The following MCCC1 variants were observed in gnomAD, a reference collection of about 807,000 sequenced individuals.
MCCC1 encodes the protein methylcrotonyl-CoA carboxylase subunit 1.
A neutral mutation model predicts 83.8 loss-of-function variants in MCCC1; 64 were observed. The ratio of observed to expected loss-of-function variants is 0.76; its 90% CI spans 0.62 to 0.94. The LOEUF (loss-of-function observed/expected upper bound fraction) is 0.94, where lower values mean the gene tolerates loss of function less well. Among genes scored for constraint, MCCC1 ranks in the 40% least tolerant of loss-of-function variants. The probability of loss-of-function intolerance (pLI) is 0.00; values close to 1 mark genes in which losing one functional copy is unlikely to be tolerated. For synonymous variants in MCCC1, 322 were observed against 315.4 expected, an observed-to-expected ratio of 1.02 and a Z score of -0.22; for missense variants, 807 against 904.7, an observed-to-expected ratio of 0.89 and a Z score of 1.39.
intron 8 of MCCC1, among the ~76,000 whole-genome samples, chr3:183,054,482 C>T (rs539028602): frequency 2.6e-5 from 4 of 152,032 alleles, no homozygotes; most frequent in South Asian, 2.1e-4. Flanking sequence ...CCACCGCGCC[C>T]GGCCTAGAAA....
At chr3:183,056,803 C>T (rs1165407153) in intron 8 of MCCC1, among the ~76,000 whole-genome samples, 1 of 152,190 alleles carries the variant, frequency 6.6e-6, no homozygotes, top group East Asian at 1.9e-4. Flanking sequence ...AAGCAATTCT[C>T]CTGCCTCAGC....
Position 183,071,253 on chromosome 3 carries a change from C to A in MCCC1, c.596G>T (p.Gly199Val), listed in dbSNP as rs1198116993. The A allele has an allele frequency of 1.9e-6, 3 of 1,614,114 alleles. No individual in the cohort carries two copies. Among genetic ancestry groups the A allele is most frequent in the Admixed American group, 1.7e-5 (1 of 60,004 alleles). The change falls in exon 6 of 19, where the codon GGC becomes GTC. Residue 199 changes from glycine to valine, a missense_variant. Transcript: ENST00000265594. ...QCLKEHARRI[G>V]YPVMIKAVRG... ...GACGGCTTTAATCATGACAGGATAG[C>A]CAATTCTCCTGGCGTGTTCCTTCAG...
intron 1 of MCCC1, among the ~76,000 whole-genome samples, chr3:183,109,343 C>A (rs749189771): frequency 6.6e-6 from 1 of 152,080 alleles, no homozygotes; most frequent in Admixed American, 6.6e-5. Flanking sequence ...GTTTAGCGTA[C>A]AAATGATCCC....
chr3:183,027,124 C>T (rs1712671625), intron 14 of MCCC1, among the ~76,000 whole-genome samples: 1 of 152,130 alleles, frequency 6.6e-6, no homozygotes, highest in Non-Finnish European at 1.5e-5. Context: ...TCTGATATTA[C>T]TACTATAATT....
At chr3:183,056,843 C>A (rs770863766) in intron 8 of MCCC1, among the ~76,000 whole-genome samples, 1 of 152,130 alleles carries the variant, frequency 6.6e-6, no homozygotes, top group East Asian at 1.9e-4. Context: ...TATAGGCATG[C>A]GCCACCAAGC....
Position 183,020,228 on chromosome 3 carries a change from T to A in MCCC1, c.1879A>T (p.Ile627Phe), listed in dbSNP as rs1253957159. 2 of 1,613,270 alleles carry A rather than the reference T, an allele frequency of 1.2e-6. No homozygotes were observed. The highest frequency in any genetic ancestry group is 2.2e-5 in the South Asian group (2 of 91,060). ...TIYLFSKEGS[I>F]EIDIPVPKYL... is the part of the protein sequence containing the mutation. Reference sequence around the variant, plus strand: ...TTGGGGACTGGAATGTCAATCTCAATACTTCCTTCCTAGAAACAGAAAACA... The same window carrying A: ...TTGGGGACTGGAATGTCAATCTCAAAACTTCCTTCCTAGAAACAGAAAACA... The change falls in exon 17 of 19, where the codon ATT (isoleucine) becomes TTT (phenylalanine). Residue 627 changes from isoleucine (I) to phenylalanine (F), a missense_variant. Coordinates refer to ENST00000265594, the MANE Select transcript of MCCC1 (RefSeq NM_020166.5).
chr3:183,025,896 GAC>G, intron 14 of MCCC1, 92 bp from the exon 15 acceptor site: 12 of 1,096,516 alleles, frequency 1.1e-5, no homozygotes, highest in Non-Finnish European at 1.5e-5. Flanking sequence ...TCAACCTAAA[GAC>G]AACCAACTAT....
intron 1 of MCCC1, 132 bp from the exon 2 acceptor site, chr3:183,094,737 T>C (rs1049121435): frequency 4.5e-6 from 4 of 882,612 alleles, no homozygotes; most frequent in Non-Finnish European, 5.6e-6. Context: ...ACTTTCTTAG[T>C]GGGTAGAAAA....
chr3:183,061,945 G>A (rs1301246333), intron 7 of MCCC1, among the ~76,000 whole-genome samples: 4 of 152,168 alleles, frequency 2.6e-5, no homozygotes, highest in Admixed American at 1.3e-4. Context: ...GGAGGTAACT[G>A]AATCATGGGG....
In MCCC1 at chr3:183,092,533, G is replaced by C. The variant is rs772126862; in HGVS notation, c.149C>G (p.Thr50Ser). Reference protein sequence around the residue: ...KYTTATGRNITKVLIANRGEI... With the variant: ...KYTTATGRNISKVLIANRGEI... ...TCCTCTGTTTGCAATGAGGACCTTGGTAATGTTTCTTCCTGTTTAAAACAC... is the reference window on the plus strand; with the variant it reads ...TCCTCTGTTTGCAATGAGGACCTTGCTAATGTTTCTTCCTGTTTAAAACAC... The change falls in exon 3 of 19, where the codon ACC (threonine) becomes AGC (serine). Residue 50 changes from threonine to serine, a missense_variant. Physicochemically the swap from Thr to Ser is moderately conservative, Grantham distance 58. Coordinates refer to ENST00000265594, the MANE Select transcript of MCCC1 (RefSeq NM_020166.5). 1 of 1,614,134 alleles carries C rather than the reference G, an allele frequency of 6.2e-7. No homozygotes were observed. The highest frequency in any genetic ancestry group is 8.5e-7 in the Non-Finnish European group (1 of 1,180,026).
At chr3:183,057,462 G>C (rs908327990) in intron 7 of MCCC1, 40 bp from the exon 8 acceptor site, 4 of 1,451,036 alleles carry the variant, frequency 2.8e-6, no homozygotes, top group Non-Finnish European at 3.8e-6. Flanking sequence ...TATTTGTTAG[G>C]GGTGATAAAT....
rs557710966 is a variant in MCCC1 at position 183,079,033 on chromosome 3, T to C, written c.370-6546A>G. ...GACCTGCCCCCATAATTCAATCACCTCCCACTGGGTTCCTCCCACGATACA... is the reference window on the plus strand; with the variant it reads ...GACCTGCCCCCATAATTCAATCACCCCCCACTGGGTTCCTCCCACGATACA... On this transcript the variant is annotated intron_variant, in intron 4 of 18. Transcript: ENST00000265594. Among the ~76,000 whole-genome samples the C allele has an allele frequency of 1.1e-4, 16 of 152,242 alleles. No homozygotes were observed. The South Asian group carries it at 3.3e-3, about 32-fold the overall frequency.
chr3:183,068,358 A>T (rs1217903677), intron 7 of MCCC1, among the ~76,000 whole-genome samples: 2 of 152,146 alleles, frequency 1.3e-5, no homozygotes, highest in Non-Finnish European at 2.9e-5. Context: ...AACAACAGTG[A>T]CCTCTGGTCG....
chr3:183,045,646 G>T, intron 9 of MCCC1, 106 bp from the exon 10 acceptor site: 1 of 1,175,800 alleles, frequency 8.5e-7, no homozygotes, highest in South Asian at 1.3e-5. Flanking sequence ...TTCATTCAAT[G>T]GTAACACTTT....
chr3:183,103,582 T>C (rs562747935), upstream of MCCC1, among the ~76,000 whole-genome samples: 185 of 152,088 alleles, frequency 1.2e-3, no homozygotes, highest in African/African-American at 4.2e-3. Context: ...AGACACAGGG[T>C]GCTGATTGGT....
At position 183,045,601 on chromosome 3, in the gene MCCC1, T is replaced by C. The variant is rs1577284520; in HGVS notation, c.956-61A>G. 11 of 1,570,070 alleles carry C rather than the reference T, an allele frequency of 7.0e-6. No individual in the cohort carries two copies. The East Asian group carries it at 2.3e-4, about 32-fold the overall frequency. ...GTATAATCAGTAGCAAACCAAAATCTTCCATGATGCATCACATCAAGTTTT... is the reference window on the plus strand; with the variant it reads ...GTATAATCAGTAGCAAACCAAAATCCTCCATGATGCATCACATCAAGTTTT... On this transcript the variant is annotated intron_variant, in intron 9 of 18. Coordinates refer to ENST00000265594, the MANE Select transcript of MCCC1 (RefSeq NM_020166.5).
At chr3:183,113,691 T>C (rs905921833) in intron 1 of MCCC1, among the ~76,000 whole-genome samples, 21 of 151,370 alleles carry the variant, frequency 1.4e-4, no homozygotes, top group Admixed American at 8.6e-4. Flanking sequence ...TGACAGAAGA[T>C]GACTCTGTCT....
At chr3:183,084,623 A>G (rs539809371) in intron 4 of MCCC1, among the ~76,000 whole-genome samples, 4 of 152,292 alleles carry the variant, frequency 2.6e-5, no homozygotes, top group Admixed American at 2.6e-4. Flanking sequence ...CATATTCACT[A>G]ATTTAGTTAA....
At chr3:183,042,455 T>G (rs910932509) in intron 10 of MCCC1, among the ~76,000 whole-genome samples, 14 of 152,324 alleles carry the variant, frequency 9.2e-5, no homozygotes, top group Middle Eastern at 3.4e-3. Flanking sequence ...CTCTTTACTC[T>G]TAAGTTTTTT....
Sources: gnomAD v4.1 joint callset for allele counts (sites outside exome capture counted in the v4.1 genomes callset) on GRCh38, gnomAD v4.1.1 for gene constraint, MANE v1.5 for transcripts, NCBI Gene and HGNC (gene_info 2026-07-23, HGNC 2026-07-21) for gene names.